Variants in CBLB observed in about 807,000 individuals in gnomAD.
CBLB encodes the protein Cbl proto-oncogene B.
A neutral mutation model predicts 104.9 loss-of-function variants in CBLB; 31 were observed. The observed-to-expected ratio is 0.30, with a 90% CI of 0.22 to 0.40. The LOEUF is 0.40. Ranked by LOEUF, CBLB falls within the 10% of genes least tolerant of loss-of-function variation. The probability of loss-of-function intolerance (pLI) is 1.00; values close to 1 mark genes in which losing one functional copy is unlikely to be tolerated. For synonymous variants in CBLB, 440 were observed against 422.6 expected (o/e 1.04, Z -0.51); for missense variants, 1,062 against 1,214.6 (o/e 0.87, Z 1.87).
chr3:105,684,530 GA>G (rs1169194454), intron 14 of CBLB, among the ~76,000 whole-genome samples: 5 of 148,472 alleles, frequency 3.4e-5, no homozygotes, highest in Non-Finnish European at 5.9e-5. Context: ...CAAAAGTAAG[GA>G]AAAAACCCCC....
chr3:105,806,120 T>C (rs2083464272), intron 3 of CBLB, among the ~76,000 whole-genome samples: 2 of 151,622 alleles, frequency 1.3e-5, no homozygotes, highest in South Asian at 2.1e-4. Flanking sequence ...AGAAATTCAG[T>C]GGGATTTTTA....
chr3:105,678,627 A>G, intron 16 of CBLB, 56 bp from the exon 17 acceptor site: 13 of 1,522,986 alleles, frequency 8.5e-6, no homozygotes, highest in African/African-American at 1.4e-5. Flanking sequence ...CAAAATACAC[A>G]GCATCTAACA....
At chr3:105,716,382 T>C (rs967667882) in intron 10 of CBLB, among the ~76,000 whole-genome samples, 39 of 152,298 alleles carry the variant, frequency 2.6e-4, no homozygotes, top group African/African-American at 8.7e-4. Context: ...ATTGAGTGCA[T>C]TTAGGTGCCT....
At chr3:105,707,944 C>T (rs2070444961) in intron 10 of CBLB, among the ~76,000 whole-genome samples, 1 of 151,950 alleles carries the variant, frequency 6.6e-6, no homozygotes, top group Non-Finnish European at 1.5e-5. Flanking sequence ...GTAATAGCTG[C>T]ATTTTTTATT....
intron 3 of CBLB, among the ~76,000 whole-genome samples, chr3:105,833,729 C>T (rs1305427429): frequency 6.6e-6 from 1 of 151,730 alleles, no homozygotes; most frequent in East Asian, 1.9e-4. Context: ...TTTTATTTTA[C>T]ATCATTTAAC....
intron 3 of CBLB, among the ~76,000 whole-genome samples, chr3:105,786,033 T>C (rs1486336514): frequency 8.7e-6 from 1 of 115,066 alleles, no homozygotes; most frequent in African/African-American, 3.3e-5. Flanking sequence ...GGAAATCTAT[T>C]CTCACACATA....
At chr3:105,758,608 A>C (rs2077294708) in intron 4 of CBLB, among the ~76,000 whole-genome samples, 1 of 152,254 alleles carries the variant, frequency 6.6e-6, no homozygotes, top group Non-Finnish European at 1.5e-5. Context: ...AGGACGAGTC[A>C]GATGCGGAGC....
At chr3:105,794,688 T>C (rs1445499999) in intron 3 of CBLB, among the ~76,000 whole-genome samples, 1 of 152,132 alleles carries the variant, frequency 6.6e-6, no homozygotes, top group Non-Finnish European at 1.5e-5. Context: ...GACGTTCTTG[T>C]GAGCTAAACA....
At chr3:105,856,477 T>C (rs985472163) in intron 2 of CBLB, among the ~76,000 whole-genome samples, 3 of 151,930 alleles carry the variant, frequency 2.0e-5, no homozygotes, top group African/African-American at 7.3e-5. Context: ...TAATTTAAGA[T>C]GTTTTTCACA....
chr3:105,699,551 G>A (rs1010682274), intron 12 of CBLB, among the ~76,000 whole-genome samples: 1 of 152,120 alleles, frequency 6.6e-6, no homozygotes, highest in Non-Finnish European at 1.5e-5. Context: ...CTCCAACCCA[G>A]GATCACAGAA....
At chr3:105,752,622 A>G (rs1424354188) in intron 4 of CBLB, among the ~76,000 whole-genome samples, 1 of 152,252 alleles carries the variant, frequency 6.6e-6, no homozygotes, top group Non-Finnish European at 1.5e-5. Context: ...TCTCTGAAAT[A>G]CAAGACTCAG....
chr3:105,769,173 C>T (rs530629568), intron 4 of CBLB, among the ~76,000 whole-genome samples: 22 of 151,982 alleles, frequency 1.4e-4, no homozygotes, highest in Non-Finnish European at 2.6e-4. Context: ...AAAAACATTG[C>T]CGGGCGTGGT....
At chr3:105,675,415 AG>A (rs1370673425) in intron 17 of CBLB, among the ~76,000 whole-genome samples, 1 of 152,232 alleles carries the variant, frequency 6.6e-6, no homozygotes, top group African/African-American at 2.4e-5. Context: ...TTCTTTAGAC[AG>A]TATAATGTAT....
At chr3:105,694,528 T>C (rs1190907453) in intron 12 of CBLB, among the ~76,000 whole-genome samples, 1 of 151,918 alleles carries the variant, frequency 6.6e-6, no homozygotes, top group Non-Finnish European at 1.5e-5. Context: ...TGAGCAGTGC[T>C]AGATAATTCA....
At chr3:105,809,456 C>T (rs1339066162) in intron 3 of CBLB, among the ~76,000 whole-genome samples, 1 of 152,162 alleles carries the variant, frequency 6.6e-6, no homozygotes, top group East Asian at 1.9e-4. Flanking sequence ...GCTCCCATCA[C>T]AGAGCCAGCC....
At chr3:105,796,907 T>C (rs1402121556) in intron 3 of CBLB, among the ~76,000 whole-genome samples, 5 of 152,298 alleles carry the variant, frequency 3.3e-5, no homozygotes, top group East Asian at 3.9e-4. Context: ...ATGGCTATTA[T>C]TGAAAAGTCA....
At chr3:105,707,345 T>G (rs533839899) in intron 10 of CBLB, among the ~76,000 whole-genome samples, 18 of 152,296 alleles carry the variant, frequency 1.2e-4, no homozygotes, top group African/African-American at 4.1e-4. Context: ...TTGGCTTAGT[T>G]AGAAGGATTT....
At chr3:105,737,135 C>T (rs770282986) in intron 8 of CBLB, 36 bp downstream of exon 8, 1 of 1,076,690 alleles carries the variant, frequency 9.3e-7, no homozygotes, top group South Asian at 1.4e-5. Flanking sequence ...ATTATGGATA[C>T]TTATTTAATT....
At chr3:105,695,097 T>G (rs1198639420) in intron 12 of CBLB, among the ~76,000 whole-genome samples, 1 of 151,862 alleles carries the variant, frequency 6.6e-6, no homozygotes, top group African/African-American at 2.4e-5. Context: ...ATGTAAGATA[T>G]CTGCAATCAA....
Sources: gnomAD v4.1 joint callset for allele counts (sites outside exome capture counted in the v4.1 genomes callset) on GRCh38, gnomAD v4.1.1 for gene constraint, MANE v1.5 for transcripts, NCBI Gene and HGNC (gene_info 2026-07-23, HGNC 2026-07-21) for gene names.